Variants in CFAP47 observed in about 807,000 individuals in gnomAD.
The protein encoded by CFAP47 is cilia- and flagella-associated protein 47.
In CFAP47, 29 loss-of-function variants were observed where a neutral mutation model predicts 148.1. The ratio of observed to expected loss-of-function variants is 0.20; its 90% CI spans 0.15 to 0.27. The LOEUF (loss-of-function observed/expected upper bound fraction) is 0.27. Ranked by LOEUF, CFAP47 falls within the 10% of genes least tolerant of loss-of-function variation. The probability of loss-of-function intolerance (pLI) is 1.00; values close to 1 mark genes in which losing one functional copy is unlikely to be tolerated. For missense variants in CFAP47, 1,872 were observed against 1,697.5 expected (o/e 1.10, Z -1.81); for synonymous variants, 664 against 577.3 (o/e 1.15, Z -2.15).
At chrX:36,149,899 G>T (rs1225411047) in intron 37 of CFAP47, among the ~76,000 whole-genome samples, 1 of 110,217 alleles carries the variant, frequency 9.1e-6, no homozygotes, top group East Asian at 2.8e-4. Context: ...ATGAGCCACT[G>T]TGCCCGGCCT....
chrX:36,085,666 CAT>C (rs1228425795), intron 30 of CFAP47, 128 bp downstream of exon 30: 459 of 290,967 alleles, frequency 1.6e-3, no homozygotes, highest in Non-Finnish European at 2.2e-3. Flanking sequence ...CACACACACA[CAT>C]AAATATACAC....
intron 49 of CFAP47, among the ~76,000 whole-genome samples, chrX:36,258,792 G>A (rs782778002): frequency 8.9e-6 from 1 of 111,863 alleles, no homozygotes; most frequent in Non-Finnish European, 1.9e-5. Flanking sequence ...CTTTATCCAC[G>A]GAAATGCAAT....
intron 26 of CFAP47, among the ~76,000 whole-genome samples, chrX:36,052,702 T>G (rs1937525671): frequency 8.9e-6 from 1 of 112,464 alleles, no homozygotes; most frequent in African/African-American, 3.2e-5. Context: ...TGCTGCATAA[T>G]AAAGCTTCTT....
At chrX:36,189,917 T>C (rs1939847856) in intron 41 of CFAP47, 134 bp from the exon 42 acceptor site, 3 of 280,716 alleles carry the variant, frequency 1.1e-5, no homozygotes, top group Admixed American at 6.3e-5. Flanking sequence ...TGTATTTTCA[T>C]TAACAAATGT....
intron 45 of CFAP47, among the ~76,000 whole-genome samples, chrX:36,228,426 G>T (rs1246360396): frequency 3.6e-5 from 4 of 110,740 alleles, no homozygotes; most frequent in Non-Finnish European, 5.7e-5. Context: ...ACTGTTCTCT[G>T]ACCAGTGCAG....
At chrX:36,162,701 A>G (rs1939445408) in intron 39 of CFAP47, among the ~76,000 whole-genome samples, 1 of 111,670 alleles carries the variant, frequency 9.0e-6, no homozygotes, top group Non-Finnish European at 1.9e-5. Context: ...GTTAATTCCC[A>G]TGCCTTGCTC....
chrX:36,006,766 C>G (rs1936986579), intron 21 of CFAP47, among the ~76,000 whole-genome samples: 2 of 111,956 alleles, frequency 1.8e-5, no homozygotes, highest in Admixed American at 1.9e-4. Context: ...CAAGCTCCTC[C>G]TTTTCTTGTG....
intron 49 of CFAP47, among the ~76,000 whole-genome samples, chrX:36,259,378 A>C (rs1335616240): frequency 3.6e-5 from 4 of 111,360 alleles, no homozygotes; most frequent in Non-Finnish European, 7.5e-5. Context: ...ATATGTATAT[A>C]TGTAGTATTT....
At chrX:36,062,778 A>G (rs985172628) in intron 26 of CFAP47, among the ~76,000 whole-genome samples, 2 of 111,481 alleles carry the variant, frequency 1.8e-5, no homozygotes, top group African/African-American at 3.3e-5. Context: ...AAAATTTTCT[A>G]AAGTTAGATA....
chrX:36,040,164 A>G (rs1937386012), intron 25 of CFAP47, among the ~76,000 whole-genome samples: 1 of 111,945 alleles, frequency 8.9e-6, no homozygotes, highest in Non-Finnish European at 1.9e-5. Context: ...AACCAAAATA[A>G]AGCTGGGTAG....
intron 49 of CFAP47, among the ~76,000 whole-genome samples, chrX:36,275,835 T>C (rs914435554): frequency 5.9e-4 from 65 of 111,077 alleles, no homozygotes; most frequent in African/African-American, 2.0e-3. Context: ...CTTTACTTTG[T>C]TGGAAGGTTT....
At chrX:36,270,941 T>A (rs1485936701) in intron 49 of CFAP47, among the ~76,000 whole-genome samples, 1 of 110,336 alleles carries the variant, frequency 9.1e-6, no homozygotes, top group Non-Finnish European at 1.9e-5. Flanking sequence ...ATCTGAACCA[T>A]CACTGCTTTA....
rs781810649 is a variant in CFAP47 at position 36,371,880 on chromosome X, A to G, written c.9185+4753A>G. On this transcript the variant is annotated intron_variant, in intron 62 of 63. Coordinates refer to ENST00000378653, the MANE Select transcript of CFAP47 (RefSeq NM_001304548.2). ...TGTGCATATACACACATGTGTATAT[A>G]TGTGTGCATATACACACATGTGTAT... is the stretch of plus-strand genomic sequence containing the variant. Among the ~76,000 whole-genome samples, 31 of 55,626 alleles carry G rather than the reference A, an allele frequency of 5.6e-4. 2 individuals carry two copies. The highest frequency in any genetic ancestry group is 5.6e-3 in the African/African-American group (27 of 4,852). The allele number at this position is 55,626 out of a possible 115,157, so 48.3% of individuals were successfully genotyped here.
At chrX:36,384,004 G>T (rs1010563168) in intron 63 of CFAP47, among the ~76,000 whole-genome samples, 2 of 111,701 alleles carry the variant, frequency 1.8e-5, no homozygotes, top group Admixed American at 1.9e-4. Context: ...GATGGTGATT[G>T]TCAGCAATGA....
At chrX:35,931,819 C>A (rs1355002258) in intron 2 of CFAP47, among the ~76,000 whole-genome samples, 2 of 111,358 alleles carry the variant, frequency 1.8e-5, no homozygotes, top group African/African-American at 6.5e-5. Flanking sequence ...GTCTTTTTTT[C>A]TTTCCCTACT....
At chrX:36,249,494 C>A (rs1288169376) in intron 48 of CFAP47, among the ~76,000 whole-genome samples, 2 of 110,882 alleles carry the variant, frequency 1.8e-5, no homozygotes, top group Non-Finnish European at 3.8e-5. Flanking sequence ...TATGATGCAC[C>A]TACAACAAGT....
chrX:36,280,656 CTA>C (rs1426941874), intron 50 of CFAP47, 26 bp downstream of exon 50: 2 of 450,929 alleles, frequency 4.4e-6, no homozygotes, highest in Non-Finnish European at 7.9e-6. Context: ...CAGAGTTTCA[CTA>C]TTAGTTTGCA....
intron 36 of CFAP47, among the ~76,000 whole-genome samples, chrX:36,146,236 T>G (rs1569272930): frequency 8.9e-6 from 1 of 111,842 alleles, no homozygotes; most frequent in Admixed American, 9.5e-5. Flanking sequence ...TAAGTATAAT[T>G]TATTACTGTT....
intron 10 of CFAP47, 21 bp downstream of exon 10, chrX:35,967,853 C>G (rs965192754): frequency 3.5e-6 from 4 of 1,133,836 alleles, no homozygotes; most frequent in Admixed American, 4.6e-5. Flanking sequence ...ATATTAAAAC[C>G]CTGAAATTTG....
Sources: gnomAD v4.1 joint callset for allele counts (sites outside exome capture counted in the v4.1 genomes callset) on GRCh38, gnomAD v4.1.1 for gene constraint, MANE v1.5 for transcripts, NCBI Gene and HGNC (gene_info 2026-07-23, HGNC 2026-07-21) for gene names.